Variants in MARCHF1 observed in about 807,000 individuals in gnomAD.
MARCHF1 encodes the protein membrane associated ring-CH-type finger 1.
In MARCHF1, 40 loss-of-function variants were observed where a neutral mutation model predicts 54.2. The observed-to-expected ratio is 0.74, with a 90% confidence interval of 0.57 to 0.96. The LOEUF (loss-of-function observed/expected upper bound fraction) is 0.96, where lower values mean the gene tolerates loss of function less well. MARCHF1 is among the 40% of genes least tolerant of loss of function. MARCHF1 has a pLI of 0.00. For synonymous variants in MARCHF1, 236 were observed against 236.3 expected (o/e 1.00, Z 0.01); for missense variants, 586 against 656.5 (o/e 0.89, Z 1.17).
chr4:164,281,430 C>T (rs771713533), intron 1 of MARCHF1, among the ~76,000 whole-genome samples: 6 of 152,018 alleles, frequency 3.9e-5, no homozygotes, highest in Non-Finnish European at 8.8e-5. Flanking sequence ...GCATTGATAA[C>T]AATACTGATG....
intron 4 of MARCHF1, among the ~76,000 whole-genome samples, chr4:163,815,245 A>G (rs1029096172): frequency 6.6e-6 from 1 of 152,200 alleles, no homozygotes; most frequent in Non-Finnish European, 1.5e-5. Flanking sequence ...TCCTAGTGAT[A>G]ATCAATGTGC....
chr4:164,248,389 C>T (rs931748362), intron 1 of MARCHF1, among the ~76,000 whole-genome samples: 2 of 151,918 alleles, frequency 1.3e-5, no homozygotes, highest in Non-Finnish European at 2.9e-5. Flanking sequence ...AGATATCTGC[C>T]TAGTAAGGGC....
intron 1 of MARCHF1, among the ~76,000 whole-genome samples, chr4:164,241,936 G>A (rs182160820): frequency 3.9e-4 from 59 of 152,312 alleles, no homozygotes; most frequent in Non-Finnish European, 7.6e-4. Flanking sequence ...AAAAAACGGT[G>A]CACCACGAGA....
chr4:164,005,675 AG>A (rs1399095590), intron 2 of MARCHF1, among the ~76,000 whole-genome samples: 9 of 152,264 alleles, frequency 5.9e-5, no homozygotes, highest in Non-Finnish European at 1.3e-4. Context: ...AATATTTCTG[AG>A]GACAGTTAGA....
intron 4 of MARCHF1, among the ~76,000 whole-genome samples, chr4:163,818,291 C>T (rs1186885105): frequency 1.3e-5 from 2 of 151,348 alleles, no homozygotes; most frequent in Non-Finnish European, 2.9e-5. Context: ...CCGGGTATAC[C>T]TACAGGATGT....
At chr4:164,259,008 CAT>C (rs1489171169) in intron 1 of MARCHF1, among the ~76,000 whole-genome samples, 5 of 152,202 alleles carry the variant, frequency 3.3e-5, no homozygotes, top group African/African-American at 9.6e-5. Flanking sequence ...TTTTAAAAAA[CAT>C]ATAAAAACTT....
At chr4:164,072,275 T>C (rs1337549318) in intron 2 of MARCHF1, among the ~76,000 whole-genome samples, 1 of 152,216 alleles carries the variant, frequency 6.6e-6, no homozygotes, top group Non-Finnish European at 1.5e-5. Flanking sequence ...TCAGTGTTGT[T>C]TAGTACATAA....
At chr4:163,989,083 C>T (rs1752923284) in intron 2 of MARCHF1, among the ~76,000 whole-genome samples, 2 of 152,112 alleles carry the variant, frequency 1.3e-5, no homozygotes, top group Admixed American at 6.6e-5. Flanking sequence ...CCCCAGGAGT[C>T]CACTAAGCAC....
At chr4:163,826,267 C>T (rs1203476871) in intron 4 of MARCHF1, among the ~76,000 whole-genome samples, 1 of 152,022 alleles carries the variant, frequency 6.6e-6, no homozygotes, top group Non-Finnish European at 1.5e-5. Context: ...TGGCAATTTA[C>T]TTGCCCACTG....
chr4:163,665,275 T>A (rs941788154), intron 5 of MARCHF1, among the ~76,000 whole-genome samples: 7 of 152,094 alleles, frequency 4.6e-5, no homozygotes, highest in African/African-American at 1.7e-4. Flanking sequence ...ACAATGTTTT[T>A]TAATTGCGTA....
intron 1 of MARCHF1, among the ~76,000 whole-genome samples, chr4:164,170,838 G>T (rs1477945721): frequency 6.6e-6 from 1 of 152,144 alleles, no homozygotes; most frequent in East Asian, 1.9e-4. Flanking sequence ...GAAGAAATGT[G>T]ATCAGAACAC....
intron 1 of MARCHF1, among the ~76,000 whole-genome samples, chr4:164,211,641 G>C (rs976340153): frequency 6.6e-6 from 1 of 151,956 alleles, no homozygotes; most frequent in Non-Finnish European, 1.5e-5. Context: ...TAGAACTGTA[G>C]AAGGAAACAA....
chr4:164,316,975 G>A (rs1001366546), intron 1 of MARCHF1, among the ~76,000 whole-genome samples: 2 of 152,140 alleles, frequency 1.3e-5, no homozygotes, highest in East Asian at 3.8e-4. Context: ...GCAAAACCAT[G>A]AGCCAATTAA....
At chr4:163,738,858 C>T (rs1308345649) in intron 4 of MARCHF1, among the ~76,000 whole-genome samples, 1 of 152,150 alleles carries the variant, frequency 6.6e-6, no homozygotes, top group Non-Finnish European at 1.5e-5. Flanking sequence ...TCATAAATAT[C>T]CTAAATTCTT....
At chr4:163,853,392 C>T (rs1437267229) in intron 4 of MARCHF1, among the ~76,000 whole-genome samples, 1 of 152,098 alleles carries the variant, frequency 6.6e-6, no homozygotes, top group Admixed American at 6.6e-5. Flanking sequence ...ACAGCCAAAT[C>T]GAAACAAAGA....
intron 3 of MARCHF1, among the ~76,000 whole-genome samples, chr4:163,923,745 A>G (rs1414610529): frequency 1.3e-5 from 2 of 150,592 alleles, no homozygotes; most frequent in East Asian, 3.9e-4. Flanking sequence ...AGTCTTCATG[A>G]TTTTGAAGGT....
chr4:163,874,444 G>A (rs1750246383), intron 3 of MARCHF1, among the ~76,000 whole-genome samples: 2 of 152,292 alleles, frequency 1.3e-5, no homozygotes, highest in East Asian at 1.9e-4. Flanking sequence ...AAGTGACTGA[G>A]ATTTGTATTA....
At chr4:163,533,503 TTAATAATG>T (rs1480248257) in intron 9 of MARCHF1, among the ~76,000 whole-genome samples, 1 of 151,746 alleles carries the variant, frequency 6.6e-6, no homozygotes, top group East Asian at 1.9e-4. Flanking sequence ...ACTATGAACT[TTAATAATG>T]TAAGAATATT....
At chr4:164,042,032 A>G (rs1460541845) in intron 2 of MARCHF1, among the ~76,000 whole-genome samples, 1 of 152,188 alleles carries the variant, frequency 6.6e-6, no homozygotes, top group Non-Finnish European at 1.5e-5. Context: ...CCCAAGAAAT[A>G]CCAATACTGC....
Sources: gnomAD v4.1 joint callset for allele counts (sites outside exome capture counted in the v4.1 genomes callset) on GRCh38, gnomAD v4.1.1 for gene constraint, MANE v1.5 for transcripts, NCBI Gene and HGNC (gene_info 2026-07-23, HGNC 2026-07-21) for gene names.